Variants in TUBGCP6 observed in about 807,000 individuals in gnomAD.
TUBGCP6 encodes the protein gamma-tubulin complex component 6.
In TUBGCP6, 161 loss-of-function variants were observed where a neutral mutation model predicts 175.8. That is an observed-to-expected ratio of 0.92 (90% CI 0.81 to 1.04). The LOEUF is 1.04. Among genes scored for constraint, TUBGCP6 ranks in the 50% least tolerant of loss-of-function variants. The pLI is 0.00. For synonymous variants in TUBGCP6, 1,173 were observed against 1,030.5 expected, an observed-to-expected ratio of 1.14 and a Z score of -2.65; for missense variants, 2,572 against 2,433.0, an observed-to-expected ratio of 1.06 and a Z score of -1.20.
chr22:50,226,941 C>T, intron 6 of TUBGCP6, 58 bp downstream of exon 6: 1 of 1,579,200 alleles, frequency 6.3e-7, no homozygotes, highest in South Asian at 1.1e-5. Flanking sequence ...CACGCTCAGC[C>T]ACCCCCGTTT....
chr22:50,234,448 T>C (rs67157296), intron 2 of TUBGCP6, among the ~76,000 whole-genome samples: 88,229 of 111,240 alleles, frequency 0.79, 32,901 homozygotes, highest in South Asian at 0.91. Context: ...ATCATCCACA[T>C]CCAGGTCCAC....
chr22:50,234,337 G>GCATCCACACCCAAGTCCACGGCAGCAT (rs535442966), intron 2 of TUBGCP6, among the ~76,000 whole-genome samples: 2 of 82,354 alleles, frequency 2.4e-5, no homozygotes, highest in Non-Finnish European at 4.6e-5. Context: ...GTCCACAGCA[G>GCATCCACACCCAAGTCCACGGCAGCAT]CATCCACACC....
chr22:50,238,320 C>A (rs974281605), intron 2 of TUBGCP6, among the ~76,000 whole-genome samples: 3 of 150,842 alleles, frequency 2.0e-5, no homozygotes, highest in African/African-American at 7.3e-5. Context: ...GTGGCAGGTG[C>A]CTGTAATCCC....
chr22:50,231,162 TAC>T lies in TUBGCP6; in HGVS notation c.1117-1587_1117-1586del, dbSNP rs1333666249. On this transcript the variant is annotated intron_variant, in intron 3 of 24. Coordinates refer to ENST00000248846, the MANE Select transcript of TUBGCP6 (RefSeq NM_020461.4). ...AAAAAATAATTAGAGCAGAAATAAA[TAC>T]AGAGTAGGCCAAGCACAGTGGCTCA... 8.6e-5 allele frequency among the ~76,000 whole-genome samples: 10 copies of T among 116,330 alleles called. 1 individual carries two copies. The East Asian group carries it at 2.1e-3, about 24-fold the overall frequency. 76.3% of individuals were successfully genotyped at this position (116,330 alleles called of 152,430 possible).
intron 10 of TUBGCP6, 115 bp from the exon 11 acceptor site, chr22:50,224,707 G>A: frequency 1.0e-6 from 1 of 969,030 alleles, no homozygotes; most frequent in South Asian, 1.4e-5. Flanking sequence ...AAGAGTTCAA[G>A]ACCAGCCTGG....
At chr22:50,243,391 T>C (rs1226372605) in intron 1 of TUBGCP6, among the ~76,000 whole-genome samples, 1 of 149,112 alleles carries the variant, frequency 6.7e-6, no homozygotes, top group Non-Finnish European at 1.5e-5. Flanking sequence ...AGGCGGCGGT[T>C]ACAGTGAGCC....
chr22:50,236,072 A>C (rs370349607), intron 2 of TUBGCP6, among the ~76,000 whole-genome samples: 1 of 152,168 alleles, frequency 6.6e-6, no homozygotes, highest in South Asian at 2.1e-4. Flanking sequence ...GACGGTAAAA[A>C]CATTATATAA....
rs769428605 is a variant in TUBGCP6 at position 50,240,373 on chromosome 22, G to C, written c.742-6C>G. 5 of 1,612,284 alleles carry C rather than the reference G, an allele frequency of 3.1e-6. No homozygotes were observed. The highest frequency in any genetic ancestry group is 1.7e-5 in the Admixed American group (1 of 59,882). ...TGATCCACACTCGGTGGGACCTGGA[G>C]ACACAGGGAAGGGCAAACCGCCACT... On this transcript the variant is annotated splice_polypyrimidine_tract_variant and splice_region_variant and intron_variant, in intron 1 of 24. Transcript: ENST00000248846.
chr22:50,219,497 C>T (rs1461897406), intron 18 of TUBGCP6, 41 bp from the exon 19 acceptor site: 1 of 1,594,338 alleles, frequency 6.3e-7, no homozygotes, highest in Non-Finnish European at 8.5e-7. Context: ...AACCGGCCAG[C>T]CCAGGGCTCC....
In TUBGCP6 at chr22:50,221,333, G is replaced by A. The variant is rs867050605; in HGVS notation, c.3026C>T (p.Pro1009Leu). ...CCCCTCCTCCAGAGCAGCACGCCTG[G>A]GTGGGTGTGAGGGGAGCAGAGTCTC... ...SRETLLPSHP[P>L]RRAALEEGSS... Residue 1009 changes from proline to leucine, a missense_variant, in exon 16 of 25, where the codon CCC becomes CTC. By Grantham distance (98) the Pro-to-Leu change is moderately conservative. Coordinates refer to ENST00000248846, the MANE Select transcript of TUBGCP6 (RefSeq NM_020461.4). The A allele has an allele frequency of 1.9e-6, 3 of 1,613,128 alleles. No individual in the cohort carries two copies. The South Asian group carries it at 3.3e-5, about 18-fold the overall frequency.
At chr22:50,231,895 A>G (rs1229800325) in intron 3 of TUBGCP6, among the ~76,000 whole-genome samples, 5 of 151,354 alleles carry the variant, frequency 3.3e-5, no homozygotes, top group African/African-American at 1.2e-4. Flanking sequence ...CTATGAAAAC[A>G]AGAGAAAAAA....
At chr22:50,219,254 G>T (rs1335121921) in intron 19 of TUBGCP6, 34 bp downstream of exon 19, 3 of 1,610,510 alleles carry the variant, frequency 1.9e-6, no homozygotes, top group African/African-American at 1.3e-5. Context: ...GACGGGCTGG[G>T]TGGGCAGACT....
rs1322363190 is a variant in TUBGCP6 at position 50,222,116 on chromosome 22, C to A, written c.2410-14G>T. The A allele has an allele frequency of 6.2e-7, 1 of 1,612,872 alleles. No individual in the cohort carries two copies. Among genetic ancestry groups the A allele is most frequent in the South Asian group, 1.1e-5 (1 of 91,046 alleles). ...TTTCAGCATCTCCTGAAATTCAAGC[C>A]AGAGGGGTGACTGGCCAAGCCGGAG... On this transcript the variant is annotated splice_polypyrimidine_tract_variant and intron_variant, in intron 14 of 24. Transcript: ENST00000248846.
rs774075764 is a variant in TUBGCP6 at position 50,217,730 on chromosome 22, G to A, written c.*6C>T. ...CTTTATTGTGCACGTCCCCCGCAGAGCAGCCTCAGGCGTCCTGGTAGTAGT... is the reference window on the plus strand; with the variant it reads ...CTTTATTGTGCACGTCCCCCGCAGAACAGCCTCAGGCGTCCTGGTAGTAGT... On this transcript the variant is annotated 3_prime_UTR_variant, in exon 25 of 25. Coordinates refer to ENST00000248846, the MANE Select transcript of TUBGCP6 (RefSeq NM_020461.4). 4 of 1,613,648 alleles carry A rather than the reference G, an allele frequency of 2.5e-6. No individual in the cohort carries two copies. Among genetic ancestry groups the A allele is most frequent in the Non-Finnish European group, 3.4e-6 (4 of 1,179,740 alleles).
intron 3 of TUBGCP6, among the ~76,000 whole-genome samples, chr22:50,230,939 G>A (rs2064679777): frequency 6.6e-6 from 1 of 150,868 alleles, no homozygotes. Flanking sequence ...AAAATTAGCT[G>A]GGCGAGGTAG....
chr22:50,241,114 A>G (rs1259532106), intron 1 of TUBGCP6, among the ~76,000 whole-genome samples: 1 of 152,248 alleles, frequency 6.6e-6, no homozygotes, highest in Non-Finnish European at 1.5e-5. Context: ...GTTATTAATC[A>G]TTAGTTTGTA....
In TUBGCP6 at chr22:50,219,643, C is replaced by G. The variant is rs2064482125; in HGVS notation, c.4315+1G>C. 3.7e-6 allele frequency: 6 copies of G among 1,613,306 alleles called. No homozygotes were observed. The highest frequency in any genetic ancestry group is 5.1e-6 in the Non-Finnish European group (6 of 1,179,672). On this transcript the variant is annotated splice_donor_variant, in intron 18 of 24. Transcript: ENST00000248846. LOFTEE classifies it high-confidence loss of function. ...CTGCCAACAGCAACTGCTGCACTCA[C>G]ACATGGACTCGTAACTGTCCGGGTA... is the stretch of plus-strand genomic sequence containing the variant.
chr22:50,223,848 G>A, intron 13 of TUBGCP6: 2 of 265,282 alleles, frequency 7.5e-6, no homozygotes, highest in Non-Finnish European at 1.4e-5. Context: ...AAATAAATAA[G>A]GAAGGATGTT....
intron 2 of TUBGCP6, 49 bp from the exon 3 acceptor site, chr22:50,233,575 C>T (rs1363354357): frequency 2.0e-6 from 3 of 1,530,858 alleles, no homozygotes; most frequent in East Asian, 4.8e-5. Flanking sequence ...GTGACCTGCA[C>T]CTCAGCACCA....
Sources: allele counts gnomAD v4.1 joint callset (sites outside exome capture counted in the v4.1 genomes callset), GRCh38; gene constraint gnomAD v4.1.1; transcripts MANE v1.5; gene names NCBI Gene and HGNC (gene_info 2026-07-23, HGNC 2026-07-21).